The following BNC2 variants were observed in gnomAD, a reference collection of about 807,000 sequenced individuals.
The protein encoded by BNC2 is basonuclin zinc finger protein 2, also known as zinc finger protein basonuclin-2.
BNC2 carries 20 observed loss-of-function variants against 76.3 expected under a neutral mutation model. That is an observed-to-expected ratio of 0.26 (90% CI 0.18 to 0.38). The LOEUF (loss-of-function observed/expected upper bound fraction) is 0.38. BNC2 is among the 10% of genes least tolerant of loss of function. The pLI, the probability that BNC2 is intolerant of heterozygous loss-of-function variation, is 1.00. For synonymous variants in BNC2, 582 were observed against 514.8 expected, an observed-to-expected ratio of 1.13 and a Z score of -1.77; for missense variants, 1,382 against 1,399.8, an observed-to-expected ratio of 0.99 and a Z score of 0.20.
chr9:16,838,959 CTACA>C (rs977357339), intron 1 of BNC2, among the ~76,000 whole-genome samples: 15 of 152,242 alleles, frequency 9.9e-5, no homozygotes, highest in East Asian at 9.7e-4. Flanking sequence ...AATGTGGTTG[CTACA>C]TACAGTTTCT....
At chr9:16,717,825 A>C (rs1587348370) in intron 3 of BNC2, among the ~76,000 whole-genome samples, 1 of 152,216 alleles carries the variant, frequency 6.6e-6, no homozygotes, top group Non-Finnish European at 1.5e-5. Context: ...AAAAATTTAA[A>C]AGATCAAAAG....
chr9:16,659,147 C>CG (rs34748774), intron 3 of BNC2, among the ~76,000 whole-genome samples: 7,204 of 150,144 alleles, frequency 0.048, 225 homozygotes, highest in South Asian at 0.097. Flanking sequence ...AGATGGATGG[C>CG]GGGGGGGGGC....
intron 4 of BNC2, among the ~76,000 whole-genome samples, chr9:16,558,272 T>G (rs1409009120): frequency 1.3e-5 from 2 of 152,224 alleles, no homozygotes; most frequent in South Asian, 4.1e-4. Context: ...GACAGTGCAA[T>G]TGAATCCAGG....
At chr9:16,707,452 A>G (rs1375236173) in intron 3 of BNC2, among the ~76,000 whole-genome samples, 1 of 152,178 alleles carries the variant, frequency 6.6e-6, no homozygotes, top group African/African-American at 2.4e-5. Flanking sequence ...ACACCAAAGT[A>G]TCTTGGACCA....
In BNC2 at chr9:16,586,608, C is replaced by G. The variant is rs537241871; in HGVS notation, c.331-3523G>C. Among the ~76,000 whole-genome samples the G allele has an allele frequency of 1.6e-3, 244 of 152,262 alleles. 3 individuals are homozygous for G. The highest frequency in any genetic ancestry group is 5.5e-3 in the African/African-American group (229 of 41,580). On this transcript the variant is annotated intron_variant, in intron 3 of 6. Transcript: ENST00000380672. ...TGGCATCAACTGCTCTCTCCTCTCT[C>G]TCTCTCTCTCTCCACTGTAAATAAA...
intron 1 of BNC2, among the ~76,000 whole-genome samples, chr9:16,820,988 G>T (rs982838680): frequency 6.6e-6 from 1 of 151,810 alleles, no homozygotes; most frequent in Non-Finnish European, 1.5e-5. Flanking sequence ...ATCCCAGAAC[G>T]TTGGGAGGCC....
At chr9:16,847,315 T>A (rs1474232884) in intron 1 of BNC2, among the ~76,000 whole-genome samples, 1 of 149,874 alleles carries the variant, frequency 6.7e-6, no homozygotes, top group Non-Finnish European at 1.5e-5. Context: ...TTTTTATTTA[T>A]TTAAAACTTG....
At chr9:16,869,013 G>A (rs1233264588) in intron 1 of BNC2, among the ~76,000 whole-genome samples, 1 of 152,192 alleles carries the variant, frequency 6.6e-6, no homozygotes, top group Non-Finnish European at 1.5e-5. Context: ...AAGTCATTAG[G>A]ATATAGGAAT....
chr9:16,508,328 T>C (rs1330810384), intron 5 of BNC2, among the ~76,000 whole-genome samples: 2 of 152,238 alleles, frequency 1.3e-5, no homozygotes, highest in Non-Finnish European at 2.9e-5. Context: ...GGTTTTGGTA[T>C]GTAGAATTCT....
rs189441825 is a variant in BNC2 at position 16,498,173 on chromosome 9, T to C, written c.669+54357A>G. Among the ~76,000 whole-genome samples the C allele has an allele frequency of 4.4e-3, 557 of 127,166 alleles. 23 individuals are homozygous for C. Among genetic ancestry groups the C allele is most frequent in the African/African-American group, 0.019 (522 of 28,160 alleles). 83.4% of individuals were successfully genotyped at this position (127,166 alleles called of 152,430 possible). A position where few individuals can be genotyped will look rare whatever the true frequency, so the allele number is the denominator to read the frequency against. Reference sequence around the variant, plus strand: ...TATATTCCATCATATATATATTCTATCATATATATATTCCATCATATATAT... The same window carrying C: ...TATATTCCATCATATATATATTCTACCATATATATATTCCATCATATATAT... On this transcript the variant is annotated intron_variant, in intron 5 of 6. Transcript: ENST00000380672.
intron 5 of BNC2, among the ~76,000 whole-genome samples, chr9:16,508,759 C>T (rs1822687941): frequency 6.6e-6 from 1 of 151,688 alleles, no homozygotes; most frequent in South Asian, 2.1e-4. Context: ...GATATTCTGC[C>T]TTCTGCCCAC....
At chr9:16,765,007 T>G (rs1166242316) in intron 1 of BNC2, among the ~76,000 whole-genome samples, 4 of 152,164 alleles carry the variant, frequency 2.6e-5, no homozygotes, top group Admixed American at 6.5e-5. Flanking sequence ...TATACTCTGA[T>G]TTTTTGGAAG....
At chr9:16,528,474 A>C (rs1817878869) in intron 5 of BNC2, among the ~76,000 whole-genome samples, 1 of 152,206 alleles carries the variant, frequency 6.6e-6, no homozygotes, top group Non-Finnish European at 1.5e-5. Flanking sequence ...TTGATTTTCT[A>C]AATGTTAATA....
intron 5 of BNC2, among the ~76,000 whole-genome samples, chr9:16,501,746 G>C (rs1387225959): frequency 6.6e-6 from 1 of 152,146 alleles, no homozygotes; most frequent in African/African-American, 2.4e-5. Context: ...ATTAGGGGCT[G>C]GATGAATGGC....
At chr9:16,463,748 AT>A (rs1242909418) in intron 5 of BNC2, among the ~76,000 whole-genome samples, 4 of 152,214 alleles carry the variant, frequency 2.6e-5, no homozygotes, top group Non-Finnish European at 2.9e-5. Context: ...CAACTACAAA[AT>A]TCACAACTGA....
intron 1 of BNC2, among the ~76,000 whole-genome samples, chr9:16,747,060 C>G (rs1046723711): frequency 6.6e-6 from 1 of 151,608 alleles, no homozygotes; most frequent in Non-Finnish European, 1.5e-5. Flanking sequence ...TTAAAATATA[C>G]AAAATATCAC....
chr9:16,596,371 C>T (rs1450388560), intron 3 of BNC2, among the ~76,000 whole-genome samples: 1 of 152,106 alleles, frequency 6.6e-6, no homozygotes, highest in East Asian at 1.9e-4. Context: ...ATACAAACCA[C>T]TAAAATACAT....
Position 16,411,371 on chromosome 9 carries a change from TTC to T in BNC2, c.*7616_*7617del, listed in dbSNP as rs558623205. 140 of 152,762 alleles carry T rather than the reference TTC, an allele frequency of 9.2e-4. No homozygotes were observed. Among genetic ancestry groups the T allele is most frequent in the African/African-American group, 3.3e-3 (137 of 41,580 alleles). The allele number at this position is 152,762 out of a possible 1,614,324, so 9.5% of individuals were successfully genotyped here. A position where few individuals can be genotyped will look rare whatever the true frequency, so the allele number is the denominator to read the frequency against. ...CTTCTCTCCATTTTTCTTAAAATAC[TTC>T]TTTCTGCTCTTCCTTCCCTTCAAAG... On this transcript the variant is annotated 3_prime_UTR_variant, in exon 7 of 7. Transcript: ENST00000380672.
intron 4 of BNC2, among the ~76,000 whole-genome samples, chr9:16,567,411 G>T (rs781048070): frequency 6.6e-6 from 1 of 152,100 alleles, no homozygotes; most frequent in African/African-American, 2.4e-5. Context: ...AATAGTGCTG[G>T]GGGTGGGTGA....
Sources: gnomAD v4.1 joint callset for allele counts (sites outside exome capture counted in the v4.1 genomes callset) on GRCh38, gnomAD v4.1.1 for gene constraint, MANE v1.5 for transcripts, NCBI Gene and HGNC (gene_info 2026-07-23, HGNC 2026-07-21) for gene names.